TRPA1: variants seen among roughly 807,000 people sequenced by gnomAD.
The protein encoded by TRPA1 is ankyrin-like with transmembrane domains 1.
A neutral mutation model predicts 131.3 loss-of-function variants in TRPA1; 129 were observed. The observed-to-expected ratio is 0.98, with a 90% CI of 0.85 to 1.14. The LOEUF (loss-of-function observed/expected upper bound fraction) is 1.14, where lower values mean the gene tolerates loss of function less well. Among genes scored for constraint, TRPA1 ranks in the 50% most tolerant of loss-of-function variants. The pLI is 0.00. For synonymous variants in TRPA1, 441 were observed against 451.7 expected (o/e 0.98, Z 0.30); for missense variants, 1,304 against 1,354.2 (o/e 0.96, Z 0.58).
chr8:72,059,460 C>A (rs772682917), intron 7 of TRPA1, 22 bp from the exon 8 acceptor site: 1 of 1,459,532 alleles, frequency 6.9e-7, no homozygotes. Context: ...GAATTATAAA[C>A]ATTATAATTA....
chr8:72,061,184 T>G (rs1246896160), intron 7 of TRPA1, among the ~76,000 whole-genome samples: 1 of 152,244 alleles, frequency 6.6e-6, no homozygotes, highest in Non-Finnish European at 1.5e-5. Context: ...CTATATCTTT[T>G]GAAACCATTT....
intron 5 of TRPA1, 52 bp downstream of exon 5, chr8:72,063,411 C>A: frequency 7.7e-7 from 1 of 1,301,778 alleles, no homozygotes; most frequent in Non-Finnish European, 1.1e-6. Context: ...TTAATAGCAT[C>A]CACCAAAATA....
At chr8:72,032,802 C>T (rs13259803) in intron 23 of TRPA1, among the ~76,000 whole-genome samples, 37,496 of 152,168 alleles carry the variant, frequency 0.25, 4,858 homozygotes, top group Middle Eastern at 0.42. Context: ...TCAAAATACT[C>T]ACACATCTGC....
chr8:72,048,562 T>G (rs887788084), intron 15 of TRPA1, among the ~76,000 whole-genome samples: 1 of 152,080 alleles, frequency 6.6e-6, no homozygotes, highest in Non-Finnish European at 1.5e-5. Flanking sequence ...CTGGTTGTTA[T>G]AGTTTGAAAA....
intron 3 of TRPA1, among the ~76,000 whole-genome samples, chr8:72,067,274 G>A (rs958125008): frequency 3.3e-5 from 5 of 152,186 alleles, no homozygotes; most frequent in Admixed American, 3.3e-4. Flanking sequence ...TTGCAAGCAT[G>A]AGGGGAGACA....
At chr8:72,024,793 T>C (rs543055068) in intron 25 of TRPA1, among the ~76,000 whole-genome samples, 1 of 152,246 alleles carries the variant, frequency 6.6e-6, no homozygotes, top group African/African-American at 2.4e-5. Flanking sequence ...TTGCTGAGCA[T>C]TCTGTTTCGG....
chr8:72,039,735 G>T lies in TRPA1; in HGVS notation c.2124C>A (p.Leu708=). ...TACTACTCAATACCCACCATTTCAT[G>T]AGTAAATATTCTTTACACACAGGAT... ...LNHPVCKEYL[L]MKWLAYGFRA... Residue 708 remains leucine (L), a synonymous_variant, in exon 18 of 27, where the codon CTC becomes CTA. Coordinates refer to ENST00000262209, the MANE Select transcript of TRPA1 (RefSeq NM_007332.3). The T allele has an allele frequency of 6.2e-7, 1 of 1,601,884 alleles. No individual in the cohort carries two copies. The highest frequency in any genetic ancestry group is 1.1e-5 in the South Asian group (1 of 90,822).
rs188430076 is a variant in TRPA1, at chr8:72,025,617, G to A, written c.3051+343C>T. On this transcript the variant is annotated intron_variant, in intron 25 of 26. Coordinates refer to ENST00000262209, the MANE Select transcript of TRPA1 (RefSeq NM_007332.3). ...CATATATATCTACACATAAATGTAA[G>A]TGACATGTGACTAGGAAAAGCAAAT... 3.3e-5 allele frequency among the ~76,000 whole-genome samples: 5 copies of A among 152,246 alleles called. No individual in the cohort carries two copies. The East Asian group carries it at 5.8e-4, about 18-fold the overall frequency.
At position 72,049,936 on chromosome 8, in the gene TRPA1, A is replaced by T. The variant is rs1393356474; in HGVS notation, c.1905+842T>A. On this transcript the variant is annotated intron_variant, in intron 15 of 26. Coordinates refer to ENST00000262209, the MANE Select transcript of TRPA1 (RefSeq NM_007332.3). The stretch of plus-strand genomic sequence containing the variant: ...AGGGAGAGGTGGGGCATTTTATTTT[A>T]TTTTTTTTTTTAATTTTTATTTTTT... Among the ~76,000 whole-genome samples the T allele has an allele frequency of 2.7e-5, 4 of 150,592 alleles. No individual in the cohort carries two copies. The South Asian group carries it at 8.4e-4, about 32-fold the overall frequency.
chr8:72,026,433 C>A (rs1006614038), intron 24 of TRPA1, among the ~76,000 whole-genome samples: 1 of 152,252 alleles, frequency 6.6e-6, no homozygotes, highest in Non-Finnish European at 1.5e-5. Flanking sequence ...AGTTCATACT[C>A]TTGCGGTGTT....
At chr8:72,050,718 T>G (rs1269311942) in intron 15 of TRPA1, 60 bp downstream of exon 15, 2 of 1,084,902 alleles carry the variant, frequency 1.8e-6, no homozygotes. Context: ...TATTAGGTTG[T>G]GATTACAACA....
At position 72,055,629 on chromosome 8, in the gene TRPA1, A is replaced by C. The variant is rs773201070; in HGVS notation, c.1365-29T>G. 42 of 1,613,272 alleles carry C rather than the reference A, an allele frequency of 2.6e-5. No individual in the cohort carries two copies. In the South Asian group the frequency reaches 3.7e-4, roughly 14 times the overall value. On this transcript the variant is annotated intron_variant, in intron 11 of 26. Transcript: ENST00000262209. The stretch of plus-strand genomic sequence containing the variant: ...GGAAAAAATTAGGTTTCATATTTTC[A>C]AGGCAAATATTAAACAGAAAGAAGA...
At chr8:72,089,834 T>C in the TRPA1 span, among the ~76,000 whole-genome samples, 5 of 152,132 alleles carry the variant, frequency 3.3e-5, no homozygotes. Context: ...TATATGTTAG[T>C]ATAATAATTA....
At chr8:72,053,041 G>GAGAGAGAGAC in intron 13 of TRPA1, 1 of 347,024 alleles carries the variant, frequency 2.9e-6, no homozygotes. Context: ...GAGAGAGAGA[G>GAGAGAGAGAC]AGAATGAATT....
the TRPA1 span, among the ~76,000 whole-genome samples, chr8:72,089,154 T>G: frequency 2.0e-5 from 3 of 152,298 alleles, no homozygotes; most frequent in South Asian, 6.2e-4. Flanking sequence ...ATCTTTCTGT[T>G]GTGAATTTTT....
At chr8:72,077,963 A>G (rs891165450), upstream of TRPA1, among the ~76,000 whole-genome samples, 1 of 152,026 alleles carries the variant, frequency 6.6e-6, no homozygotes, top group Non-Finnish European at 1.5e-5. Flanking sequence ...ATCAAATTAC[A>G]ATTTGACATT....
intron 15 of TRPA1, among the ~76,000 whole-genome samples, chr8:72,049,079 G>T (rs1024220996): frequency 6.6e-6 from 1 of 152,092 alleles, no homozygotes; most frequent in African/African-American, 2.4e-5. Flanking sequence ...TGCCATTTGT[G>T]TACTGGACTG....
chr8:72,051,584 C>A (rs1236987216), intron 14 of TRPA1, among the ~76,000 whole-genome samples: 1 of 152,136 alleles, frequency 6.6e-6, no homozygotes, highest in African/African-American at 2.4e-5. Context: ...ATTAAAAGTG[C>A]TTTAAAGGGA....
chr8:72,024,556 C>G (rs1217206054), intron 25 of TRPA1, among the ~76,000 whole-genome samples: 2 of 152,106 alleles, frequency 1.3e-5, no homozygotes, highest in African/African-American at 4.8e-5. Flanking sequence ...GGCTGGATTG[C>G]ACAGGCTAAT....
Sources: allele counts gnomAD v4.1 joint callset (sites outside exome capture counted in the v4.1 genomes callset), GRCh38; gene constraint gnomAD v4.1.1; transcripts MANE v1.5; gene names NCBI Gene and HGNC (gene_info 2026-07-23, HGNC 2026-07-21).